The following TENM1 variants were observed in gnomAD, a reference collection of about 807,000 sequenced individuals.
The protein encoded by TENM1 is teneurin-1.
Under a neutral mutation model 174.8 loss-of-function variants are expected in TENM1, and 35 were observed. The ratio of observed to expected loss-of-function variants is 0.20; its 90% confidence interval spans 0.15 to 0.27. TENM1 has a LOEUF of 0.27. Among genes scored for constraint, TENM1 ranks in the 10% least tolerant of loss-of-function variants. The pLI is 1.00. For synonymous variants in TENM1, 781 were observed against 798.7 expected (o/e 0.98, Z 0.37); for missense variants, 1,633 against 2,130.1 (o/e 0.77, Z 4.59).
At position 124,676,257 on chromosome X, in the gene TENM1, A is replaced by AAT. The variant is rs56962688; in HGVS notation, c.1016-4424_1016-4423dup. 2.8e-3 allele frequency among the ~76,000 whole-genome samples: 65 copies of AAT among 22,935 alleles called. 1 individual carries two copies. The highest frequency in any genetic ancestry group is 6.5e-3 in the South Asian group (2 of 307). The allele number at this position is 22,935 out of a possible 115,157, so 19.9% of individuals were successfully genotyped here. A position where few individuals can be genotyped will look rare whatever the true frequency, so the allele number is the denominator to read the frequency against. ...TTACTGTTCCCTAAGACATATATAA[A>AAT]ATATATATATATATATATATATATA... On this transcript the variant is annotated intron_variant, in intron 5 of 31. Transcript: ENST00000422452.
the TENM1 span, among the ~76,000 whole-genome samples, chrX:125,013,113 T>C: frequency 1.8e-5 from 2 of 111,806 alleles, no homozygotes; most frequent in Non-Finnish European, 3.8e-5. Flanking sequence ...AGAAGCTTTA[T>C]GAAGGTCCTT....
At chrX:125,141,809 C>T in the TENM1 span, among the ~76,000 whole-genome samples, 1 of 111,136 alleles carries the variant, frequency 9.0e-6, no homozygotes, top group African/African-American at 3.3e-5. Context: ...TCATAATATC[C>T]TTGCTTCCCT....
chrX:124,666,497 C>T (rs921530863), intron 6 of TENM1, among the ~76,000 whole-genome samples: 1 of 111,456 alleles, frequency 9.0e-6, no homozygotes, highest in Non-Finnish European at 1.9e-5. Context: ...GCAAAAAAAC[C>T]GTAACAATGA....
intron 18 of TENM1, among the ~76,000 whole-genome samples, chrX:124,514,863 T>A (rs1046552178): frequency 9.1e-6 from 1 of 110,273 alleles, no homozygotes; most frequent in Non-Finnish European, 1.9e-5. Flanking sequence ...GCCAGCATCA[T>A]CCTGATGCCA....
At chrX:124,722,393 C>A (rs148509239) in intron 4 of TENM1, among the ~76,000 whole-genome samples, 362 of 111,341 alleles carry the variant, frequency 3.3e-3, no homozygotes, top group African/African-American at 0.011. Context: ...TGTGTCTTGG[C>A]CAGTGATAGG....
intron 1 of TENM1, among the ~76,000 whole-genome samples, chrX:124,940,060 A>C (rs1400658503): frequency 8.9e-6 from 1 of 112,172 alleles, no homozygotes; most frequent in African/African-American, 3.2e-5. Context: ...GTCAGAACAC[A>C]AAAAATTCTC....
chrX:125,085,461 C>A, the TENM1 span, among the ~76,000 whole-genome samples: 42 of 110,729 alleles, frequency 3.8e-4, no homozygotes, highest in East Asian at 0.012. Flanking sequence ...CTTTTTAAGG[C>A]TCTTTGTACA....
the TENM1 span, among the ~76,000 whole-genome samples, chrX:125,104,316 T>C: frequency 1.0e-3 from 113 of 112,215 alleles, no homozygotes; most frequent in African/African-American, 3.6e-3. Context: ...AAGCACATTG[T>C]AGGAGGTCTG....
At position 124,957,412 on chromosome X, in the gene TENM1, C is replaced by T. The variant is rs192036942; in HGVS notation, c.217+6125G>A. ...CAGTCTAGCCAACATGGCGAAACTT[C>T]GTCCCTATTAAAAATACAAAAATTA... is the stretch of plus-strand genomic sequence containing the variant. On this transcript the variant is annotated intron_variant, in intron 1 of 31. Transcript: ENST00000422452. Among the ~76,000 whole-genome samples the T allele has an allele frequency of 3.6e-3, 399 of 110,313 alleles. 9 individuals are homozygous for T. The highest frequency in any genetic ancestry group is 0.012 in the African/African-American group (378 of 30,265).
chrX:124,539,437 T>C lies in TENM1; in HGVS notation c.2651+7437A>G, dbSNP rs368521991. On this transcript the variant is annotated intron_variant, in intron 15 of 31. Coordinates refer to ENST00000422452, the Ensembl canonical transcript of TENM1. ...TGTTTGCCTCCCTCACTAGACTGTA[T>C]GGGGAAGAGATTTTGTCCACTATAA... Among the ~76,000 whole-genome samples the C allele has an allele frequency of 8.0e-5, 9 of 111,889 alleles. No individual in the cohort carries two copies. In the East Asian group the frequency reaches 2.3e-3, roughly 28 times the overall value.
the TENM1 span, among the ~76,000 whole-genome samples, chrX:125,197,385 A>C: frequency 3.6e-5 from 4 of 111,894 alleles, no homozygotes; most frequent in African/African-American, 1.3e-4. Flanking sequence ...TGATTTCAAA[A>C]GGGAAACCGA....
chrX:124,657,656 G>A (rs2051481480), intron 6 of TENM1, among the ~76,000 whole-genome samples: 1 of 111,697 alleles, frequency 9.0e-6, no homozygotes, highest in Admixed American at 9.5e-5. Context: ...ATAGCTAGAC[G>A]TGGTACATTC....
chrX:125,178,756 C>G, the TENM1 span, among the ~76,000 whole-genome samples: 3,904 of 111,003 alleles, frequency 0.035, 189 homozygotes, highest in African/African-American at 0.12. Context: ...ATGATTGCCA[C>G]CTATGAGCAA....
At chrX:124,850,214 C>T (rs1167712473) in intron 3 of TENM1, among the ~76,000 whole-genome samples, 1 of 111,925 alleles carries the variant, frequency 8.9e-6, no homozygotes, top group Non-Finnish European at 1.9e-5. Flanking sequence ...AATTCTACCT[C>T]TTTTCCCCCA....
At chrX:124,816,176 T>C (rs2055891318) in intron 3 of TENM1, among the ~76,000 whole-genome samples, 1 of 111,960 alleles carries the variant, frequency 8.9e-6, no homozygotes, top group South Asian at 3.7e-4. Flanking sequence ...AAATGGTAGT[T>C]ATATCAGCAT....
the TENM1 span, among the ~76,000 whole-genome samples, chrX:125,031,811 G>A: frequency 3.6e-5 from 4 of 111,993 alleles, no homozygotes; most frequent in African/African-American, 1.3e-4. Context: ...TAATTTCTGA[G>A]TTCATTTTAC....
intron 3 of TENM1, among the ~76,000 whole-genome samples, chrX:124,744,675 G>A (rs180718125): frequency 8.9e-6 from 1 of 112,123 alleles, no homozygotes; most frequent in East Asian, 2.8e-4. Context: ...AAAGTCTTAT[G>A]TAGGTATTTC....
chrX:124,887,857 A>G (rs1207005331), intron 3 of TENM1, among the ~76,000 whole-genome samples: 1 of 111,331 alleles, frequency 9.0e-6, no homozygotes, highest in Non-Finnish European at 1.9e-5. Context: ...AAGTCATTGC[A>G]TTGTTTCATA....
the TENM1 span, among the ~76,000 whole-genome samples, chrX:125,156,981 A>G: frequency 8.9e-6 from 1 of 112,452 alleles, no homozygotes; most frequent in Non-Finnish European, 1.9e-5. Flanking sequence ...TGGACAAAAG[A>G]GTGTAGCAGT....
Sources: gnomAD v4.1 joint callset for allele counts (sites outside exome capture counted in the v4.1 genomes callset) on GRCh38, gnomAD v4.1.1 for gene constraint, MANE v1.5 for transcripts, NCBI Gene and HGNC (gene_info 2026-07-23, HGNC 2026-07-21) for gene names.